DCBLD1: variants seen among roughly 807,000 people sequenced by gnomAD.
The protein encoded by DCBLD1 is discoidin, CUB and LCCL domain containing 1.
In DCBLD1, 57 loss-of-function variants were observed where a neutral mutation model predicts 71.5. The ratio of observed to expected loss-of-function variants is 0.80; its 90% CI spans 0.64 to 0.99. The LOEUF (loss-of-function observed/expected upper bound fraction) is 0.99. DCBLD1 is among the 50% of genes least tolerant of loss of function. DCBLD1 has a pLI of 0.00. For missense variants in DCBLD1, 891 were observed against 923.5 expected (o/e 0.96, Z 0.46); for synonymous variants, 380 against 363.8 (o/e 1.04, Z -0.51).
rs966965837 is a variant in DCBLD1, at chr6:117,548,259, C to T, written c.1968C>T (p.His656=). 1.9e-6 allele frequency: 3 copies of T among 1,550,672 alleles called. No individual in the cohort carries two copies. The highest frequency in any genetic ancestry group is 2.6e-6 in the Non-Finnish European group (3 of 1,147,004). ...GAQDGDYQRP[H]SAQPADRGYD... ...AGGACGGAGACTATCAAAGGCCACA[C>T]AGCGCACAGCCTGCGGACAGGGGCT... Residue 656 remains histidine, a synonymous_variant, in exon 15 of 15, where the codon CAC becomes CAT. Coordinates refer to ENST00000338728, the MANE Select transcript of DCBLD1 (RefSeq NM_001366458.2).
At chr6:117,522,535 G>A (rs1778419807) in intron 4 of DCBLD1, among the ~76,000 whole-genome samples, 1 of 151,958 alleles carries the variant, frequency 6.6e-6, no homozygotes, top group Non-Finnish European at 1.5e-5. Flanking sequence ...TCAAACTCCA[G>A]GGCTCAAAGT....
chr6:117,536,838 G>A (rs1193293861), intron 6 of DCBLD1, among the ~76,000 whole-genome samples: 1 of 151,858 alleles, frequency 6.6e-6, no homozygotes, highest in Non-Finnish European at 1.5e-5. Flanking sequence ...GAGATGTAAG[G>A]TTATTCCTGA....
At chr6:117,491,940 G>C (rs1777307360) in intron 1 of DCBLD1, among the ~76,000 whole-genome samples, 1 of 152,120 alleles carries the variant, frequency 6.6e-6, no homozygotes, top group Non-Finnish European at 1.5e-5. Flanking sequence ...AGTGTTTTTG[G>C]TAAAAGTACT....
At chr6:117,534,681 A>C (rs1378482997) in intron 6 of DCBLD1, among the ~76,000 whole-genome samples, 2 of 151,952 alleles carry the variant, frequency 1.3e-5, no homozygotes, top group Admixed American at 1.3e-4. Flanking sequence ...CTATTTAATA[A>C]ATTAGACTTT....
At chr6:117,509,680 G>A (rs913734177) in intron 2 of DCBLD1, among the ~76,000 whole-genome samples, 1 of 151,866 alleles carries the variant, frequency 6.6e-6, no homozygotes, top group South Asian at 2.1e-4. Context: ...GTTTGTCTAA[G>A]ATGTGCCCTT....
rs559437373 is a variant in DCBLD1, at chr6:117,487,507, T to A, written c.112+4614T>A. On this transcript the variant is annotated intron_variant, in intron 1 of 14. Transcript: ENST00000338728. ...CCAGGTGTCGTGGTGTCCTGTGGTC[T>A]CGGCTACTCGGGATGCTGAGGTGGG... Among the ~76,000 whole-genome samples, 16 of 152,192 alleles carry A rather than the reference T, an allele frequency of 1.1e-4. No homozygotes were observed. In the South Asian group the frequency reaches 3.3e-3, roughly 32 times the overall value.
chr6:117,547,453 C>T (rs1779303626), intron 14 of DCBLD1: 1 of 431,772 alleles, frequency 2.3e-6, no homozygotes, highest in Non-Finnish European at 4.8e-6. Context: ...ATCATCCTCA[C>T]TGTCACCACT....
At chr6:117,497,171 C>A (rs148545159) in intron 1 of DCBLD1, among the ~76,000 whole-genome samples, 3 of 151,854 alleles carry the variant, frequency 2.0e-5, no homozygotes, top group Non-Finnish European at 4.4e-5. Flanking sequence ...CCAGCCTGGG[C>A]GACAGAGCAA....
chr6:117,544,479 G>C (rs376107411), intron 12 of DCBLD1, 49 bp from the exon 13 acceptor site: 1 of 1,590,706 alleles, frequency 6.3e-7, no homozygotes, highest in Non-Finnish European at 8.6e-7. Flanking sequence ...GGAGAGAGAG[G>C]CAGATACATT....
intron 2 of DCBLD1, among the ~76,000 whole-genome samples, chr6:117,510,336 GAC>G (rs995599780): frequency 6.8e-6 from 1 of 147,796 alleles, no homozygotes; most frequent in Admixed American, 6.7e-5. Flanking sequence ...AACACACACA[GAC>G]ACAGACACAC....
intron 14 of DCBLD1, chr6:117,547,510 A>G: frequency 4.1e-6 from 2 of 488,792 alleles, no homozygotes; most frequent in Middle Eastern, 3.2e-4. Flanking sequence ...TAAACAAACT[A>G]CTCTGTGTCC....
chr6:117,493,940 CTT>C (rs1456093056), intron 1 of DCBLD1, among the ~76,000 whole-genome samples: 1 of 152,044 alleles, frequency 6.6e-6, no homozygotes, highest in Non-Finnish European at 1.5e-5. Context: ...TGAAATTACT[CTT>C]TGTATGTGTG....
Position 117,529,923 on chromosome 6 carries a change from C to T in DCBLD1, c.586-2337C>T, listed in dbSNP as rs115253958. Among the ~76,000 whole-genome samples the T allele has an allele frequency of 2.2e-3, 331 of 152,238 alleles. 2 individuals carry two copies. The highest frequency in any genetic ancestry group is 7.9e-3 in the East Asian group (41 of 5,180). ...CTTCAATACTGGGTACTGTGAGAAA[C>T]GAGAATATTTGTTGGCCAATGATGC... On this transcript the variant is annotated intron_variant, in intron 5 of 14. Transcript: ENST00000338728.
At chr6:117,508,552 C>G (rs1432896704) in intron 2 of DCBLD1, among the ~76,000 whole-genome samples, 1 of 152,174 alleles carries the variant, frequency 6.6e-6, no homozygotes. Flanking sequence ...CTTTACAGCT[C>G]TTTAGTGACC....
chr6:117,528,891 A>G (rs974555630), intron 5 of DCBLD1, among the ~76,000 whole-genome samples: 1 of 152,120 alleles, frequency 6.6e-6, no homozygotes, highest in Non-Finnish European at 1.5e-5. Flanking sequence ...CCCAGGCTGG[A>G]GTGCAGTGGT....
downstream of DCBLD1, among the ~76,000 whole-genome samples, chr6:117,552,428 G>A (rs1379290540): frequency 6.6e-6 from 1 of 152,136 alleles, no homozygotes; most frequent in Admixed American, 6.5e-5. Flanking sequence ...GAGGCTGCCT[G>A]TCCTCCCAAC....
intron 1 of DCBLD1, among the ~76,000 whole-genome samples, chr6:117,500,061 C>T (rs1454568800): frequency 6.6e-6 from 1 of 152,184 alleles, no homozygotes; most frequent in Non-Finnish European, 1.5e-5. Context: ...TTCATGTGTA[C>T]GCATCTGCCT....
rs1464473698 is a variant in DCBLD1 at position 117,539,352 on chromosome 6, T to C, written c.1074T>C (p.Tyr358=). The C allele has an allele frequency of 3.1e-6, 5 of 1,604,244 alleles. No individual in the cohort carries two copies. Among genetic ancestry groups the C allele is most frequent in the Non-Finnish European group, 8.5e-7 (1 of 1,178,008 alleles). Residue 358 remains tyrosine (Y), a synonymous_variant, in exon 9 of 15, where the codon TAT becomes TAC. Coordinates refer to ENST00000338728, the MANE Select transcript of DCBLD1 (RefSeq NM_001366458.2). The stretch of plus-strand genomic sequence containing the variant: ...ACAATAATTCTAAGTGGAAGACCTA[T>C]AAAGGAATTGTGAATAATGAAGAAA... ...FKNNNSKWKT[Y]KGIVNNEEKV...
Position 117,525,446 on chromosome 6 carries a change from A to G in DCBLD1, c.585+12A>G. On this transcript the variant is annotated intron_variant, in intron 5 of 14. Transcript: ENST00000338728. ...ATGGATATAGAGATGTAAGTAATTG[A>G]GGGTAATGGCAGAGAATGAATTAAA... 2 of 1,466,020 alleles carry G rather than the reference A, an allele frequency of 1.4e-6. No homozygotes were observed. Among genetic ancestry groups the G allele is most frequent in the Non-Finnish European group, 1.8e-6 (2 of 1,105,832 alleles). 90.8% of individuals were successfully genotyped at this position (1,466,020 alleles called of 1,614,324 possible). A position where few individuals can be genotyped will look rare whatever the true frequency, so the allele number is the denominator to read the frequency against.
Sources: gnomAD v4.1 joint callset for allele counts (sites outside exome capture counted in the v4.1 genomes callset) on GRCh38, gnomAD v4.1.1 for gene constraint, MANE v1.5 for transcripts, NCBI Gene and HGNC (gene_info 2026-07-23, HGNC 2026-07-21) for gene names.